The following GALNT13 variants were observed in gnomAD, a reference collection of about 807,000 sequenced individuals.
GALNT13 encodes polypeptide N-acetylgalactosaminyltransferase 13, also known as UDP-GalNAc:polypeptide N-acetylgalactosaminyltransferase 13.
In GALNT13, 28 loss-of-function variants were observed where a neutral mutation model predicts 64.2. The observed-to-expected ratio is 0.44, with a 90% CI of 0.32 to 0.60. The LOEUF (loss-of-function observed/expected upper bound fraction) is 0.60, where lower values mean the gene tolerates loss of function less well. Among genes scored for constraint, GALNT13 ranks in the 20% least tolerant of loss-of-function variants. GALNT13 has a pLI of 0.05. For synonymous variants in GALNT13, 214 were observed against 224.6 expected (o/e 0.95, Z 0.42); for missense variants, 577 against 669.8 (o/e 0.86, Z 1.53).
the GALNT13 span, among the ~76,000 whole-genome samples, chr2:153,577,104 G>T: frequency 1.3e-5 from 2 of 152,046 alleles, no homozygotes; most frequent in Non-Finnish European, 2.9e-5. Context: ...GAAATGAATT[G>T]CCGTAGACCA....
chr2:154,048,170 T>C (rs1699384116), intron 3 of GALNT13, among the ~76,000 whole-genome samples: 1 of 152,080 alleles, frequency 6.6e-6, no homozygotes, highest in African/African-American at 2.4e-5. Flanking sequence ...TGCTACACAA[T>C]TTTAAAAAAC....
chr2:153,786,982 G>A, the GALNT13 span, among the ~76,000 whole-genome samples: 1 of 152,078 alleles, frequency 6.6e-6, no homozygotes, highest in African/African-American at 2.4e-5. Flanking sequence ...GGCTAATCAC[G>A]CTGAGTGGTT....
chr2:154,158,550 A>G (rs558397006), intron 4 of GALNT13, among the ~76,000 whole-genome samples: 4 of 152,296 alleles, frequency 2.6e-5, no homozygotes, highest in Admixed American at 6.5e-5. Context: ...GATCAACATA[A>G]TAGTCACAGT....
At chr2:154,187,358 A>G (rs1450138715) in intron 4 of GALNT13, among the ~76,000 whole-genome samples, 1 of 140,938 alleles carries the variant, frequency 7.1e-6, no homozygotes, top group Non-Finnish European at 1.5e-5. Context: ...AGTAAGAAAG[A>G]GATAGGAGAA....
intron 3 of GALNT13, among the ~76,000 whole-genome samples, chr2:154,010,017 G>A (rs1368715808): frequency 6.6e-6 from 1 of 152,134 alleles, no homozygotes; most frequent in Admixed American, 6.5e-5. Flanking sequence ...TTTGTGTCCT[G>A]AAATTTTGCT....
intron 3 of GALNT13, among the ~76,000 whole-genome samples, chr2:153,992,949 A>G (rs906172969): frequency 1.3e-5 from 2 of 152,144 alleles, no homozygotes; most frequent in Non-Finnish European, 2.9e-5. Context: ...TTTCATCATT[A>G]AAACTTTAAA....
Position 154,313,554 on chromosome 2 carries a change from A to G in GALNT13, c.1156+11965A>G, listed in dbSNP as rs567909647. Among the ~76,000 whole-genome samples the G allele has an allele frequency of 3.9e-5, 6 of 151,970 alleles. No homozygotes were observed. The East Asian group carries it at 1.2e-3, about 30-fold the overall frequency. ...ACTACAACCTCCACCTCCCGGGTTC[A>G]AGCGATTCTCCTGCCTCAGCCTCCC... On this transcript the variant is annotated intron_variant, in intron 9 of 12. Coordinates refer to ENST00000392825, the MANE Select transcript of GALNT13 (RefSeq NM_052917.4).
At chr2:154,178,131 C>T (rs1685756462) in intron 4 of GALNT13, among the ~76,000 whole-genome samples, 1 of 152,110 alleles carries the variant, frequency 6.6e-6, no homozygotes, top group Non-Finnish European at 1.5e-5. Context: ...GGCCAGGAAA[C>T]ATGCCAACCC....
intron 3 of GALNT13, among the ~76,000 whole-genome samples, chr2:153,959,139 T>C (rs1004870599): frequency 1.3e-5 from 2 of 152,240 alleles, no homozygotes; most frequent in African/African-American, 2.4e-5. Flanking sequence ...TAACCCACCA[T>C]ACTTAGAAAG....
At chr2:153,243,810 A>C in the GALNT13 span, among the ~76,000 whole-genome samples, 1 of 152,196 alleles carries the variant, frequency 6.6e-6, no homozygotes, top group South Asian at 2.1e-4. Context: ...ATTAAAATGA[A>C]AACACACTGA....
At chr2:153,234,745 T>C in the GALNT13 span, among the ~76,000 whole-genome samples, 2 of 152,132 alleles carry the variant, frequency 1.3e-5, no homozygotes, top group Non-Finnish European at 2.9e-5. Context: ...AGCTTTATGA[T>C]TAGAATGCAG....
intron 4 of GALNT13, among the ~76,000 whole-genome samples, chr2:154,230,539 A>T (rs546632760): frequency 6.6e-6 from 1 of 152,128 alleles, no homozygotes; most frequent in Non-Finnish European, 1.5e-5. Context: ...ACTTGCTTGC[A>T]TAATACTGTA....
At chr2:153,861,806 C>T in the GALNT13 span, among the ~76,000 whole-genome samples, 1 of 152,052 alleles carries the variant, frequency 6.6e-6, no homozygotes, top group East Asian at 1.9e-4. Flanking sequence ...GAACTCCAGA[C>T]CTCAGGTGGT....
chr2:153,109,668 G>T, the GALNT13 span, among the ~76,000 whole-genome samples: 4 of 152,160 alleles, frequency 2.6e-5, no homozygotes, highest in African/African-American at 9.6e-5. Flanking sequence ...TGGCCCTTAT[G>T]CCAATTTTAT....
At chr2:153,397,560 G>C in the GALNT13 span, among the ~76,000 whole-genome samples, 1 of 151,788 alleles carries the variant, frequency 6.6e-6, no homozygotes, top group African/African-American at 2.4e-5. Flanking sequence ...ATTTTAACTA[G>C]ATGTTACCAG....
the GALNT13 span, among the ~76,000 whole-genome samples, chr2:153,651,891 A>G: frequency 6.6e-6 from 1 of 152,292 alleles, no homozygotes; most frequent in South Asian, 2.1e-4. Context: ...ATTTTTACAT[A>G]TAATTCTGGT....
chr2:153,767,043 C>T, the GALNT13 span, among the ~76,000 whole-genome samples: 10 of 152,030 alleles, frequency 6.6e-5, no homozygotes, highest in African/African-American at 1.4e-4. Flanking sequence ...CTGGTACATT[C>T]GTTAACCAAA....
chr2:153,250,585 T>A, the GALNT13 span, among the ~76,000 whole-genome samples: 2 of 152,194 alleles, frequency 1.3e-5, no homozygotes, highest in Non-Finnish European at 2.9e-5. Flanking sequence ...CGCACATGTA[T>A]GTTTATTGCA....
At chr2:154,043,708 A>G (rs1558927204) in intron 3 of GALNT13, among the ~76,000 whole-genome samples, 1 of 152,096 alleles carries the variant, frequency 6.6e-6, no homozygotes, top group Non-Finnish European at 1.5e-5. Flanking sequence ...CACAAGGTCT[A>G]GTACTATTTT....
Sources: allele counts gnomAD v4.1 joint callset (sites outside exome capture counted in the v4.1 genomes callset), GRCh38; gene constraint gnomAD v4.1.1; transcripts MANE v1.5; gene names NCBI Gene and HGNC (gene_info 2026-07-23, HGNC 2026-07-21).